CRB2: variants seen among roughly 807,000 people sequenced by gnomAD.
CRB2 encodes crumbs cell polarity complex component 2.
In CRB2, 85 loss-of-function variants were observed where a neutral mutation model predicts 110.9. The ratio of observed to expected loss-of-function variants is 0.77; its 90% CI spans 0.64 to 0.92. The LOEUF is 0.92. CRB2 is among the 40% of genes least tolerant of loss of function. The pLI, the probability that CRB2 is intolerant of heterozygous loss-of-function variation, is 0.00. For synonymous variants in CRB2, 907 were observed against 831.0 expected (o/e 1.09, Z -1.57); for missense variants, 1,843 against 1,851.3 (o/e 1.00, Z 0.08).
chr9:123,371,527 C>G lies in CRB2; in HGVS notation c.2385C>G (p.Gly795=), dbSNP rs1226916877. 24 of 1,613,072 alleles carry G rather than the reference C, an allele frequency of 1.5e-5. No homozygotes were observed. Among genetic ancestry groups the G allele is most frequent in the Non-Finnish European group, 2.0e-5 (24 of 1,180,050 alleles). ...DNSSQPSELG[G]RQSWNLTAGC... is the part of the protein sequence containing the mutation. ...CAAGCCAGCCCAGCGAGCTCGGCGG[C>G]AGGCAGTCCTGGAACCTCACTGCGG... Residue 795 remains glycine (G), a synonymous_variant, in exon 8 of 13, where the codon GGC becomes GGG. Coordinates refer to ENST00000373631, the MANE Select transcript of CRB2 (RefSeq NM_173689.7).
Position 123,376,979 on chromosome 9 carries a change from A to G in CRB2, c.3775A>G (p.Ser1259Gly). 1 of 1,608,614 alleles carries G rather than the reference A, an allele frequency of 6.2e-7. No individual in the cohort carries two copies. Among genetic ancestry groups the G allele is most frequent in the Non-Finnish European group, 8.5e-7 (1 of 1,178,502 alleles). Reference sequence around the variant, plus strand: ...GCGCCGCCAGTCTGAGGGCACCTACAGCCCAAGCCAGCAGGAGGTGGCTGG... The same window carrying G: ...GCGCCGCCAGTCTGAGGGCACCTACGGCCCAAGCCAGCAGGAGGTGGCTGG... ...RKRRQSEGTY[S>G]PSQQEVAGAR... Residue 1259 changes from serine to glycine, a missense_variant, in exon 13 of 13, where the codon AGC becomes GGC. By Grantham distance (56) the Ser-to-Gly change is moderately conservative (BLOSUM62 0). Coordinates refer to ENST00000373631, the MANE Select transcript of CRB2 (RefSeq NM_173689.7).
At position 123,374,101 on chromosome 9, in the gene CRB2, A is replaced by G. The variant is rs980520648; in HGVS notation, c.3389+181A>G. On this transcript the variant is annotated intron_variant, in intron 10 of 12. Transcript: ENST00000373631. ...CTGATAAAATACAGATCAAAACACAACCAGTTAGCCTGGAATTTCAGATAA... is the reference window on the plus strand; with the variant it reads ...CTGATAAAATACAGATCAAAACACAGCCAGTTAGCCTGGAATTTCAGATAA... 5.6e-6 allele frequency: 5 copies of G among 893,886 alleles called. No individual in the cohort carries two copies. The African/African-American group carries it at 6.7e-5, about 12-fold the overall frequency. 55.4% of individuals were successfully genotyped at this position (893,886 alleles called of 1,614,324 possible). A position where few individuals can be genotyped will look rare whatever the true frequency, so the allele number is the denominator to read the frequency against.
intron 6 of CRB2, 23 bp downstream of exon 6, chr9:123,367,709 T>G (rs1437602825): frequency 6.8e-7 from 1 of 1,473,192 alleles, no homozygotes; most frequent in East Asian, 2.5e-5. Context: ...GGGTGGGCCC[T>G]GGGACCATCA....
Position 123,375,355 on chromosome 9 carries a change from C to T in CRB2, c.3633+12C>T. On this transcript the variant is annotated intron_variant, in intron 12 of 12. Transcript: ENST00000373631. ...TCTGTGAAGTGGCGGTGAGTGTTGT[C>T]AGGGGTGAGGGGCCGTGGACGTGGC... 2 of 1,575,008 alleles carry T rather than the reference C, an allele frequency of 1.3e-6. No individual in the cohort carries two copies. Among genetic ancestry groups the T allele is most frequent in the Non-Finnish European group, 1.7e-6 (2 of 1,157,438 alleles).
upstream of CRB2, among the ~76,000 whole-genome samples, chr9:123,354,110 G>C (rs12005737): frequency 6.6e-6 from 1 of 152,102 alleles, no homozygotes; most frequent in Non-Finnish European, 1.5e-5. Flanking sequence ...TCTGACCTCC[G>C]TCCTGCCTGC....
At position 123,360,268 on chromosome 9, in the gene CRB2, C is replaced by T. The variant is rs2041852385; in HGVS notation, c.95-2597C>T. Among the ~76,000 whole-genome samples the T allele has an allele frequency of 2.6e-5, 4 of 152,158 alleles. No individual in the cohort carries two copies. In the South Asian group the frequency reaches 6.2e-4, roughly 24 times the overall value. Reference sequence around the variant, plus strand: ...CCTCCTGCCCCTCCCCAGGACAGGGCAGCAGGTCGAAGGGGAGGGGCGGGC... The same window carrying T: ...CCTCCTGCCCCTCCCCAGGACAGGGTAGCAGGTCGAAGGGGAGGGGCGGGC... On this transcript the variant is annotated intron_variant, in intron 1 of 12. Transcript: ENST00000373631.
downstream of CRB2, chr9:123,380,061 TCAGA>T (rs1214479421): frequency 1.3e-5 from 2 of 152,336 alleles, no homozygotes; most frequent in African/African-American, 4.8e-5. Flanking sequence ...TGGCAGCCTC[TCAGA>T]CATAGAGGGG....
chr9:123,364,664 G>A (rs574444223), intron 2 of CRB2, among the ~76,000 whole-genome samples: 12 of 152,234 alleles, frequency 7.9e-5, no homozygotes, highest in African/African-American at 2.2e-4. Flanking sequence ...TGGGCCTCTG[G>A]CCCCCGCTTG....
In CRB2 at chr9:123,373,615, GC is replaced by G. The variant is rs1423457279; in HGVS notation, c.3088del (p.Arg1030GlyfsTer111). The G allele has an allele frequency of 2.9e-6, 4 of 1,361,408 alleles. No homozygotes were observed. Among genetic ancestry groups the G allele is most frequent in the East Asian group, 3.1e-5 (1 of 31,768 alleles). The allele number at this position is 1,361,408 out of a possible 1,614,324, so 84.3% of individuals were successfully genotyped here. A position where few individuals can be genotyped will look rare whatever the true frequency, so the allele number is the denominator to read the frequency against. ...LGGLPLPLARPRPGAAPGARE... is the reference protein window; with the variant it reads ...LGGLPLPLARXRPGAAPGARE... ...GCGGCCTGCCCCTGCCCTTGGCGCGGCCCCGGCCCGGCGCGGCCCCTGGCGC... is the reference window on the plus strand; with the variant it reads ...GCGGCCTGCCCCTGCCCTTGGCGCGGCCCGGCCCGGCGCGGCCCCTGGCGC... On this transcript the variant is annotated frameshift_variant, in exon 10 of 13. Coordinates refer to ENST00000373631, the MANE Select transcript of CRB2 (RefSeq NM_173689.7). LOFTEE classifies it high-confidence loss of function.
upstream of CRB2, among the ~76,000 whole-genome samples, chr9:123,355,844 G>A (rs1016456941): frequency 6.6e-6 from 1 of 151,910 alleles, no homozygotes; most frequent in African/African-American, 2.4e-5. Flanking sequence ...GAGGTGGGGA[G>A]GGGGATCCAG....
At chr9:123,371,739 C>T (rs2132782769) in intron 8 of CRB2, among the ~76,000 whole-genome samples, 161 bp downstream of exon 8, 1 of 152,248 alleles carries the variant, frequency 6.6e-6, no homozygotes, top group African/African-American at 2.4e-5. Context: ...GGTGGCAGGG[C>T]AGATTTACAT....
rs138381817 is a variant in CRB2, at chr9:123,363,048, G to A, written c.278G>A (p.Arg93His). The change falls in exon 2 of 13, where the codon CGC becomes CAC. Residue 93 changes from arginine (R) to histidine (H), a missense_variant. Physicochemically the swap from Arg to His is conservative, Grantham distance 29. Coordinates refer to ENST00000373631, the MANE Select transcript of CRB2 (RefSeq NM_173689.7). ...VPQGPDPTGF[R>H]CYCVPGFQGP... is the part of the protein sequence containing the mutation. ...CAGGGTCCAGATCCCACCGGCTTCC[G>A]CTGCTACTGCGTGCCGGGTTTCCAG... is the stretch of plus-strand genomic sequence containing the variant. 7.3e-3 allele frequency: 11,763 copies of A among 1,611,816 alleles called. 81 individuals are homozygous for A. The highest frequency in any genetic ancestry group is 0.014 in the Middle Eastern group (83 of 6,062).
In CRB2 at chr9:123,371,392, G is replaced by T. The variant is rs1588215077; in HGVS notation, c.2250G>T (p.Arg750Ser). Residue 750 changes from arginine to serine, a missense_variant, in exon 8 of 13, where the codon AGG becomes AGT. Physicochemically the swap from Arg to Ser is moderately radical, Grantham distance 110. Coordinates refer to ENST00000373631, the MANE Select transcript of CRB2 (RefSeq NM_173689.7). Reference protein sequence around the residue: ...DLGQHVHVGGRLLAADSQPWG... With the variant: ...DLGQHVHVGGSLLAADSQPWG... ...GGCAGCACGTGCACGTGGGTGGGAG[G>T]CTCCTTGCTGCCGACAGCCAGCCCT... The T allele has an allele frequency of 6.2e-7, 1 of 1,608,086 alleles. No homozygotes were observed. The highest frequency in any genetic ancestry group is 1.1e-5 in the South Asian group (1 of 90,472).
chr9:123,378,977 CG>C (rs542811584), downstream of CRB2, among the ~76,000 whole-genome samples: 184 of 151,768 alleles, frequency 1.2e-3, no homozygotes, highest in African/African-American at 4.3e-3. Context: ...TTAGTAGAGA[CG>C]GGGCTTCACC....
chr9:123,376,687 C>T (rs1461191975), intron 12 of CRB2, 151 bp from the exon 13 acceptor site: 2 of 715,630 alleles, frequency 2.8e-6, no homozygotes, highest in South Asian at 1.9e-5. Flanking sequence ...CTGCATACCC[C>T]TGGGGCTGGG....
At chr9:123,354,075 G>T (rs1051021050), upstream of CRB2, among the ~76,000 whole-genome samples, 2 of 152,166 alleles carry the variant, frequency 1.3e-5, no homozygotes, top group Non-Finnish European at 2.9e-5. Flanking sequence ...CCGGACCAGG[G>T]AGCGGTCAAG....
rs761392610 is a variant in CRB2, at chr9:123,375,362, G to A, written c.3633+19G>A. On this transcript the variant is annotated intron_variant, in intron 12 of 12. Transcript: ENST00000373631. The stretch of plus-strand genomic sequence containing the variant: ...AGTGGCGGTGAGTGTTGTCAGGGGT[G>A]AGGGGCCGTGGACGTGGCCTGCTGG... 33 of 1,566,170 alleles carry A rather than the reference G, an allele frequency of 2.1e-5. No individual in the cohort carries two copies. The East Asian group carries it at 2.9e-4, about 14-fold the overall frequency.
chr9:123,361,146 G>GGGGGGGGGT (rs2041865126), intron 1 of CRB2, among the ~76,000 whole-genome samples: 2 of 151,218 alleles, frequency 1.3e-5, no homozygotes, highest in Admixed American at 6.6e-5. Flanking sequence ...GAGGGGGGGG[G>GGGGGGGGGT]GTTCCTTGCA....
At chr9:123,357,903 C>T (rs2041818825) in intron 1 of CRB2, among the ~76,000 whole-genome samples, 1 of 152,268 alleles carries the variant, frequency 6.6e-6, no homozygotes, top group South Asian at 2.1e-4. Flanking sequence ...TGCATTCACA[C>T]TCAGTGTGCA....
Sources: allele counts gnomAD v4.1 joint callset (sites outside exome capture counted in the v4.1 genomes callset), GRCh38; gene constraint gnomAD v4.1.1; transcripts MANE v1.5; gene names NCBI Gene and HGNC (gene_info 2026-07-23, HGNC 2026-07-21).